The following NEBL variants were observed in gnomAD, a reference collection of about 807,000 sequenced individuals.
The protein encoded by NEBL is LIM and SH3 protein 2.
Under a neutral mutation model 140.2 loss-of-function variants are expected in NEBL, and 122 were observed. The ratio of observed to expected loss-of-function variants is 0.87; its 90% CI spans 0.75 to 1.01. The LOEUF is 1.01. Ranked by LOEUF, NEBL falls within the 50% of genes least tolerant of loss-of-function variation. The pLI, the probability that NEBL is intolerant of heterozygous loss-of-function variation, is 0.00. For missense variants in NEBL, 1,365 were observed against 1,231.3 expected, an observed-to-expected ratio of 1.11 and a Z score of -1.62; for synonymous variants, 436 against 398.9, an observed-to-expected ratio of 1.09 and a Z score of -1.11.
chr10:20,909,597 T>A (rs1028078135), intron 4 of NEBL, among the ~76,000 whole-genome samples: 1 of 152,166 alleles, frequency 6.6e-6, no homozygotes, highest in African/African-American at 2.4e-5. Context: ...ATCTAATACA[T>A]AAAAATTTAG....
intron 4 of NEBL, among the ~76,000 whole-genome samples, chr10:20,922,466 C>A (rs1278157410): frequency 6.6e-6 from 1 of 152,188 alleles, no homozygotes; most frequent in Non-Finnish European, 1.5e-5. Flanking sequence ...AAAGCAAACT[C>A]ATCCATTTAA....
intron 3 of NEBL, among the ~76,000 whole-genome samples, chr10:21,212,468 G>C (rs1841934356): frequency 6.6e-6 from 1 of 152,166 alleles, no homozygotes; most frequent in Admixed American, 6.6e-5. Flanking sequence ...AAGAAGGAAA[G>C]GCAAGCAACG....
intron 3 of NEBL, among the ~76,000 whole-genome samples, chr10:21,215,884 T>A (rs1241621843): frequency 6.6e-6 from 1 of 152,206 alleles, no homozygotes; most frequent in African/African-American, 2.4e-5. Context: ...TTGCTCAGGC[T>A]GGTCTTAAAC....
At chr10:20,856,318 G>A (rs1843068911) in intron 9 of NEBL, among the ~76,000 whole-genome samples, 1 of 152,114 alleles carries the variant, frequency 6.6e-6, no homozygotes, top group East Asian at 1.9e-4. Flanking sequence ...TAAAATAAAG[G>A]TCAACGTTCT....
intron 2 of NEBL, among the ~76,000 whole-genome samples, chr10:21,109,182 T>G (rs1473986544): frequency 2.6e-5 from 4 of 152,178 alleles, no homozygotes; most frequent in Non-Finnish European, 5.9e-5. Flanking sequence ...CATCAATACC[T>G]AGTTTATTGA....
intron 3 of NEBL, among the ~76,000 whole-genome samples, chr10:21,196,427 C>T (rs1385447394): frequency 4.0e-5 from 6 of 151,396 alleles, no homozygotes; most frequent in Admixed American, 3.3e-4. Flanking sequence ...TCACTGCAAC[C>T]TCTGCCTTCC....
At chr10:20,963,109 T>A (rs1836135368) in intron 3 of NEBL, among the ~76,000 whole-genome samples, 1 of 152,018 alleles carries the variant, frequency 6.6e-6, no homozygotes, top group South Asian at 2.1e-4. Context: ...CTCTGTACTT[T>A]CGATTTGTAA....
At chr10:21,111,472 C>G (rs1014105331) in intron 2 of NEBL, among the ~76,000 whole-genome samples, 8 of 151,980 alleles carry the variant, frequency 5.3e-5, no homozygotes, top group Admixed American at 1.3e-4. Context: ...ATAAACCTGA[C>G]AAAAACAAGC....
chr10:20,794,564 G>T (rs937281258), intron 26 of NEBL, among the ~76,000 whole-genome samples: 1 of 152,110 alleles, frequency 6.6e-6, no homozygotes, highest in Non-Finnish European at 1.5e-5. Flanking sequence ...ACAGTTGTTT[G>T]ACATTAAGCA....
At chr10:20,889,226 T>C (rs1257449363) in intron 3 of NEBL, among the ~76,000 whole-genome samples, 4 of 152,204 alleles carry the variant, frequency 2.6e-5, no homozygotes, top group Non-Finnish European at 4.4e-5. Flanking sequence ...ACCACAGAAA[T>C]CATCATCGTT....
intron 4 of NEBL, among the ~76,000 whole-genome samples, chr10:20,918,862 TTAAATAAA>T (rs368628865): frequency 4.0e-5 from 6 of 151,252 alleles, no homozygotes; most frequent in East Asian, 1.9e-4. Flanking sequence ...AAAAAATAAA[TTAAATAAA>T]TAAATAAATA....
At chr10:20,868,637 A>G in intron 7 of NEBL, 27 bp downstream of exon 7, 1 of 1,423,024 alleles carries the variant, frequency 7.0e-7, no homozygotes, top group Middle Eastern at 1.8e-4. Context: ...GAATAAAGTC[A>G]TTGTGGAATC....
At chr10:20,887,078 A>G (rs930040314) in intron 4 of NEBL, among the ~76,000 whole-genome samples, 1 of 152,224 alleles carries the variant, frequency 6.6e-6, no homozygotes, top group Non-Finnish European at 1.5e-5. Flanking sequence ...TGTTCTGTGA[A>G]GAAAACACAA....
At chr10:21,167,427 G>C (rs907648057) in intron 2 of NEBL, among the ~76,000 whole-genome samples, 6 of 152,178 alleles carry the variant, frequency 3.9e-5, no homozygotes, top group African/African-American at 1.2e-4. Context: ...TGTGAATAAT[G>C]TTCAGCCGAA....
At chr10:21,108,849 G>A (rs1415521333) in intron 2 of NEBL, among the ~76,000 whole-genome samples, 2 of 152,026 alleles carry the variant, frequency 1.3e-5, no homozygotes, top group African/African-American at 2.4e-5. Flanking sequence ...TCCTGTATTG[G>A]GTGCATATAT....
chr10:20,819,011 T>G, intron 20 of NEBL: 2 of 988,858 alleles, frequency 2.0e-6, no homozygotes, highest in Non-Finnish European at 2.4e-6. Flanking sequence ...TATTCACTTT[T>G]TCATGTTATA....
At chr10:21,179,461 C>T (rs891533624), upstream of NEBL, among the ~76,000 whole-genome samples, 3 of 152,036 alleles carry the variant, frequency 2.0e-5, no homozygotes, top group Admixed American at 2.0e-4. Context: ...CCCCTTACCC[C>T]TACCAATCAA....
intron 5 of NEBL, among the ~76,000 whole-genome samples, chr10:20,878,220 T>G (rs1039074854): frequency 1.3e-5 from 2 of 152,114 alleles, no homozygotes. Flanking sequence ...CTCACATTAC[T>G]AAAGGCACAA....
chr10:21,032,515 T>C (rs1031822388), intron 2 of NEBL, among the ~76,000 whole-genome samples: 2 of 152,206 alleles, frequency 1.3e-5, no homozygotes, highest in African/African-American at 4.8e-5. Context: ...TTCTTCCCTG[T>C]AGCAGCACCT....
Sources: gnomAD v4.1 joint callset for allele counts (sites outside exome capture counted in the v4.1 genomes callset) on GRCh38, gnomAD v4.1.1 for gene constraint, MANE v1.5 for transcripts, NCBI Gene and HGNC (gene_info 2026-07-23, HGNC 2026-07-21) for gene names.